KAZN: variants seen among roughly 807,000 people sequenced by gnomAD.
KAZN encodes kazrin, periplakin interacting protein, also known as kazrin.
A neutral mutation model predicts 87.4 loss-of-function variants in KAZN; 40 were observed. The observed-to-expected ratio is 0.46, with a 90% CI of 0.36 to 0.60. The LOEUF (loss-of-function observed/expected upper bound fraction) is 0.60, where lower values mean the gene tolerates loss of function less well. Ranked by LOEUF, KAZN falls within the 20% of genes least tolerant of loss-of-function variation. The pLI is 0.00. For missense variants in KAZN, 898 were observed against 1,073.9 expected, an observed-to-expected ratio of 0.84 and a Z score of 2.29; for synonymous variants, 466 against 458.3, an observed-to-expected ratio of 1.02 and a Z score of -0.22.
At chr1:14,414,613 CGTGTGTGT>C (rs35972093) in intron 2 of KAZN, among the ~76,000 whole-genome samples, 1 of 150,806 alleles carries the variant, frequency 6.6e-6, no homozygotes, top group Admixed American at 6.6e-5. Context: ...ATGCACATAC[CGTGTGTGT>C]GTGTGTGTAT....
intron 1 of KAZN, among the ~76,000 whole-genome samples, chr1:14,951,678 A>G (rs74812489): frequency 0.013 from 1,932 of 152,090 alleles, 41 homozygotes; most frequent in African/African-American, 0.044. Flanking sequence ...GGGTTTTACC[A>G]TGTTGACCAG....
chr1:14,309,764 G>T (rs1033638686), intron 2 of KAZN, among the ~76,000 whole-genome samples: 2 of 151,668 alleles, frequency 1.3e-5, no homozygotes, highest in African/African-American at 2.4e-5. Flanking sequence ...TAGAGATGGG[G>T]TTTTTCTATG....
At chr1:14,859,873 G>A (rs895970786) in intron 1 of KAZN, among the ~76,000 whole-genome samples, 6 of 152,134 alleles carry the variant, frequency 3.9e-5, no homozygotes, top group African/African-American at 7.2e-5. Flanking sequence ...ATAAGGATGC[G>A]GCAGTGGGAC....
intron 1 of KAZN, among the ~76,000 whole-genome samples, chr1:14,075,776 C>T (rs1643430307): frequency 6.6e-6 from 1 of 152,072 alleles, no homozygotes; most frequent in Non-Finnish European, 1.5e-5. Flanking sequence ...GTGGGGCTGC[C>T]CTATACACTG....
chr1:14,455,547 T>C (rs926285696), intron 2 of KAZN, among the ~76,000 whole-genome samples: 4 of 152,210 alleles, frequency 2.6e-5, no homozygotes, highest in African/African-American at 9.6e-5. Context: ...TTATCTTTTC[T>C]ACCAGAATTG....
chr1:14,564,769 T>C (rs1378537134), intron 2 of KAZN, among the ~76,000 whole-genome samples: 1 of 151,952 alleles, frequency 6.6e-6, no homozygotes, highest in Non-Finnish European at 1.5e-5. Context: ...GCCGAGATCA[T>C]ACCACTGCAC....
intron 1 of KAZN, among the ~76,000 whole-genome samples, chr1:14,172,541 G>T (rs1357971723): frequency 6.6e-6 from 1 of 152,202 alleles, no homozygotes; most frequent in South Asian, 2.1e-4. Context: ...GTTCCATGAG[G>T]GTGATACAGT....
chr1:14,434,221 A>G (rs1666248970), intron 2 of KAZN, among the ~76,000 whole-genome samples: 1 of 152,078 alleles, frequency 6.6e-6, no homozygotes, highest in African/African-American at 2.4e-5. Flanking sequence ...TGGGGCTATC[A>G]TGAAAAAAAT....
intron 1 of KAZN, among the ~76,000 whole-genome samples, chr1:13,990,999 T>G (rs12076206): frequency 0.16 from 24,083 of 151,916 alleles, 2,110 homozygotes; most frequent in African/African-American, 0.19. Flanking sequence ...TTTTCCGAGC[T>G]CTGTGGTTTG....
At chr1:13,899,818 A>G (rs188387391) in intron 1 of KAZN, among the ~76,000 whole-genome samples, 226 of 151,798 alleles carry the variant, frequency 1.5e-3, no homozygotes, top group African/African-American at 4.4e-3. Context: ...TAATTTTTGT[A>G]TTTTTAGTAG....
intron 1 of KAZN, among the ~76,000 whole-genome samples, chr1:14,745,262 G>GAAAAAAAAA (rs528235060): frequency 1.0e-5 from 1 of 99,330 alleles, no homozygotes. Flanking sequence ...AGAAAAAAAG[G>GAAAAAAAAA]AAAAAAAAAA....
chr1:14,011,072 A>C (rs544990399), intron 1 of KAZN, among the ~76,000 whole-genome samples: 1 of 151,614 alleles, frequency 6.6e-6, no homozygotes, highest in African/African-American at 2.4e-5. Flanking sequence ...ATCTGCCCAC[A>C]TCTCACCCCA....
chr1:14,629,504 C>A (rs748692261), intron 1 of KAZN, among the ~76,000 whole-genome samples: 1 of 152,222 alleles, frequency 6.6e-6, no homozygotes, highest in Non-Finnish European at 1.5e-5. Context: ...AGCACCCCAG[C>A]ACGGCCCATG....
chr1:13,898,185 C>T (rs2038096), intron 1 of KAZN, among the ~76,000 whole-genome samples: 54,800 of 152,126 alleles, frequency 0.36, 9,993 homozygotes, highest in South Asian at 0.49. Flanking sequence ...AGTACAGACT[C>T]GAGCTGGTAT....
chr1:13,925,592 G>T (rs1386894642), intron 1 of KAZN, among the ~76,000 whole-genome samples: 2 of 152,278 alleles, frequency 1.3e-5, no homozygotes, highest in African/African-American at 2.4e-5. Flanking sequence ...AGGAAGTGAG[G>T]CCCGAGAGGC....
At chr1:14,257,959 TAAAAAAAAAAAAAGAG>T (rs1326662783) in intron 2 of KAZN, among the ~76,000 whole-genome samples, 8 of 28,742 alleles carry the variant, frequency 2.8e-4, no homozygotes, top group African/African-American at 9.2e-4. Context: ...AAAAAAACAT[TAAAAAAAAAAAAAGAG>T]AAAAAAAAAA....
intron 1 of KAZN, among the ~76,000 whole-genome samples, chr1:13,979,677 C>A (rs917814357): frequency 6.6e-6 from 1 of 152,078 alleles, no homozygotes; most frequent in Admixed American, 6.6e-5. Context: ...GCCTGTAATC[C>A]CAGTACTTTG....
At chr1:14,917,903 G>C (rs1047252487) in intron 1 of KAZN, among the ~76,000 whole-genome samples, 2 of 150,308 alleles carry the variant, frequency 1.3e-5, no homozygotes, top group Admixed American at 1.3e-4. Context: ...TTTTGAGATG[G>C]AGTCTTGCTC....
chr1:14,977,979 A>G (rs549635797), intron 2 of KAZN, among the ~76,000 whole-genome samples: 26 of 134,290 alleles, frequency 1.9e-4, no homozygotes, highest in African/African-American at 7.0e-4. Flanking sequence ...CTGCACCTCC[A>G]TCTCCCTGGT....
Sources: gnomAD v4.1 joint callset for allele counts (sites outside exome capture counted in the v4.1 genomes callset) on GRCh38, gnomAD v4.1.1 for gene constraint, MANE v1.5 for transcripts, NCBI Gene and HGNC (gene_info 2026-07-23, HGNC 2026-07-21) for gene names.